The following PSME4 variants were observed in gnomAD, a reference collection of about 807,000 sequenced individuals.
The protein encoded by PSME4 is proteasome activator subunit 4.
In PSME4, 89 loss-of-function variants were observed where a neutral mutation model predicts 253.9. The observed-to-expected ratio is 0.35, with a 90% CI of 0.30 to 0.42. The LOEUF (loss-of-function observed/expected upper bound fraction) is 0.42, where lower values mean the gene tolerates loss of function less well. Among genes scored for constraint, PSME4 ranks in the 10% least tolerant of loss-of-function variants. The probability of loss-of-function intolerance (pLI) is 1.00; values close to 1 mark genes in which losing one functional copy is unlikely to be tolerated. For synonymous variants in PSME4, 851 were observed against 759.2 expected (o/e 1.12, Z -1.99); for missense variants, 2,014 against 2,195.2 (o/e 0.92, Z 1.65).
At chr2:53,941,210 GC>G (rs2104469417) in intron 3 of PSME4, among the ~76,000 whole-genome samples, 1 of 145,060 alleles carries the variant, frequency 6.9e-6, no homozygotes, top group East Asian at 2.0e-4. Context: ...ATTACTTGGA[GC>G]AGTAGAAATC....
rs150279844 is a variant in PSME4, at chr2:53,888,638, G to A, written c.4388+83C>T. On this transcript the variant is annotated intron_variant, in intron 38 of 46. Coordinates refer to ENST00000404125, the MANE Select transcript of PSME4 (RefSeq NM_014614.3). Reference sequence around the variant, plus strand: ...TAATTACTTCATCTAGACTTTACAAGTATAGACCATTCATTTCCATTTATA... The same window carrying A: ...TAATTACTTCATCTAGACTTTACAAATATAGACCATTCATTTCCATTTATA... The A allele has an allele frequency of 3.3e-3, 3,235 of 970,156 alleles. 78 individuals are homozygous for A. In the Admixed American group the frequency reaches 0.041, roughly 12 times the overall value. The allele number at this position is 970,156 out of a possible 1,614,324, so 60.1% of individuals were successfully genotyped here.
At position 53,936,744 on chromosome 2, in the gene PSME4, A is replaced by G. The variant is rs746683367; in HGVS notation, c.759+20T>C. On this transcript the variant is annotated intron_variant, in intron 6 of 46. Transcript: ENST00000404125. The stretch of plus-strand genomic sequence containing the variant: ...AAAAAAAAACTATAGGGGGGAAGAA[A>G]GGGAAAAAGGGATACTTACCCCCTC... 4 of 1,522,130 alleles carry G rather than the reference A, an allele frequency of 2.6e-6. No homozygotes were observed. The highest frequency in any genetic ancestry group is 1.4e-5 in the African/African-American group (1 of 70,068). The allele number at this position is 1,522,130 out of a possible 1,614,324, so 94.3% of individuals were successfully genotyped here. A position where few individuals can be genotyped will look rare whatever the true frequency, so the allele number is the denominator to read the frequency against.
In PSME4 at chr2:53,929,963, A is replaced by G. The variant is rs1327930239; in HGVS notation, c.1317-1660T>C. ...AACCCGAGAGGTGGAGGTTGCAGTG[A>G]GCTGAGATCATGTCACTGCACTCCA... On this transcript the variant is annotated intron_variant, in intron 10 of 46. Transcript: ENST00000404125. 2.6e-5 allele frequency among the ~76,000 whole-genome samples: 4 copies of G among 152,060 alleles called. 1 individual carries two copies. The East Asian group carries it at 5.8e-4, about 22-fold the overall frequency.
At chr2:53,954,057 C>T (rs1403381238) in intron 1 of PSME4, among the ~76,000 whole-genome samples, 8 of 151,516 alleles carry the variant, frequency 5.3e-5, no homozygotes, top group African/African-American at 7.3e-5. Context: ...TGGCCGGGCG[C>T]GGTGGCTCAC....
chr2:53,943,293 A>T (rs1276975304), intron 3 of PSME4, among the ~76,000 whole-genome samples: 1 of 152,204 alleles, frequency 6.6e-6, no homozygotes, highest in Non-Finnish European at 1.5e-5. Flanking sequence ...ATCTGCCTTC[A>T]TCCCTTTATA....
At chr2:53,870,979 T>G (rs1328670728) in intron 43 of PSME4, 1 of 152,134 alleles carries the variant, frequency 6.6e-6, no homozygotes, top group Non-Finnish European at 1.5e-5. Flanking sequence ...TTGGGATTAG[T>G]AAGTTTAAAG....
At chr2:53,866,525 G>A (rs138078158) in intron 45 of PSME4, among the ~76,000 whole-genome samples, 1 of 152,172 alleles carries the variant, frequency 6.6e-6, no homozygotes, top group African/African-American at 2.4e-5. Context: ...GACTGGGAGG[G>A]ATAGAAGCTA....
chr2:53,882,914 TA>T lies in PSME4; in HGVS notation c.4815+2775del, dbSNP rs986611267. Among the ~76,000 whole-genome samples the T allele has an allele frequency of 2.1e-4, 26 of 124,448 alleles. No individual in the cohort carries two copies. In the South Asian group the frequency reaches 3.2e-3, roughly 15 times the overall value. 81.6% of individuals were successfully genotyped at this position (124,448 alleles called of 152,430 possible). ...TTGAGGAAATACAAAAAAAAATAAA[TA>T]AATAAGATAAATATAAATAAAACTA... On this transcript the variant is annotated intron_variant, in intron 41 of 46. Coordinates refer to ENST00000404125, the MANE Select transcript of PSME4 (RefSeq NM_014614.3).
intron 39 of PSME4, 28 bp from the exon 40 acceptor site, chr2:53,887,495 A>G: frequency 6.4e-7 from 1 of 1,555,690 alleles, no homozygotes; most frequent in Non-Finnish European, 8.8e-7. Flanking sequence ...TAATAATAGG[A>G]AGAGGTGCCA....
chr2:53,950,615 G>GCAGA (rs1669929429), intron 1 of PSME4, among the ~76,000 whole-genome samples: 2 of 152,004 alleles, frequency 1.3e-5, no homozygotes, highest in African/African-American at 4.8e-5. Context: ...GCCGACGTGG[G>GCAGA]TGGATTACCT....
At chr2:53,961,252 T>C (rs1480899702) in intron 1 of PSME4, among the ~76,000 whole-genome samples, 1 of 152,240 alleles carries the variant, frequency 6.6e-6, no homozygotes, top group African/African-American at 2.4e-5. Flanking sequence ...CTGTTGCTGT[T>C]GTTGTTTGCT....
intron 19 of PSME4, among the ~76,000 whole-genome samples, chr2:53,919,502 GTTAAT>G (rs1464490959): frequency 6.6e-6 from 1 of 152,174 alleles, no homozygotes; most frequent in Non-Finnish European, 1.5e-5. Context: ...TGAAACAACT[GTTAAT>G]TTAAGCATCC....
chr2:53,888,099 C>G, intron 38 of PSME4, 110 bp from the exon 39 acceptor site: 1 of 1,128,444 alleles, frequency 8.9e-7, no homozygotes, highest in Non-Finnish European at 1.2e-6. Flanking sequence ...CGTTTTTTCA[C>G]TTAATAAATA....
At chr2:53,962,227 A>G (rs1163185932) in intron 1 of PSME4, among the ~76,000 whole-genome samples, 2 of 152,210 alleles carry the variant, frequency 1.3e-5, no homozygotes, top group Non-Finnish European at 2.9e-5. Flanking sequence ...GTTACTATTT[A>G]TTCCTAATTA....
At position 53,954,604 on chromosome 2, in the gene PSME4, C is replaced by T. The variant is rs1035731698; in HGVS notation, c.243-5321G>A. Among the ~76,000 whole-genome samples the T allele has an allele frequency of 1.6e-4, 25 of 151,786 alleles. 1 individual carries two copies. Among genetic ancestry groups the T allele is most frequent in the Admixed American group, 6.6e-5 (1 of 15,248 alleles). The stretch of plus-strand genomic sequence containing the variant: ...TTGTAGTCCCAGCACTTTGGGAGGC[C>T]GAGGCAGGCAGATCACTTGAGGTCA... On this transcript the variant is annotated intron_variant, in intron 1 of 46. Transcript: ENST00000404125.
rs557487670 is a variant in PSME4, at chr2:53,962,059, C to G, written c.242+8484G>C. On this transcript the variant is annotated intron_variant, in intron 1 of 46. Coordinates refer to ENST00000404125, the MANE Select transcript of PSME4 (RefSeq NM_014614.3). ...AATAAGGAAGAGGAACAGGCTATGA[C>G]CTAATGCTTGCTTGGACCAGTATAA... Among the ~76,000 whole-genome samples the G allele has an allele frequency of 5.5e-4, 83 of 152,076 alleles. No homozygotes were observed. The Middle Eastern group carries it at 0.01, about 19-fold the overall frequency.
At position 53,936,144 on chromosome 2, in the gene PSME4, A is replaced by G; in HGVS notation, c.777T>C (p.Phe259=). 1.2e-6 allele frequency: 2 copies of G among 1,613,748 alleles called. No homozygotes were observed. Among genetic ancestry groups the G allele is most frequent in the South Asian group, 1.1e-5 (1 of 91,064 alleles). ...CTATATTATCTGTAGCCAATCGAGC[A>G]AAGAGATTTACTAGTTGCTGAAAGT... ...PQWEGQLVNL[F]ARLATDNIGY... is the part of the protein sequence containing the mutation. The change falls in exon 7 of 47, where the codon TTT becomes TTC. Residue 259 remains phenylalanine (F), a synonymous_variant. Coordinates refer to ENST00000404125, the MANE Select transcript of PSME4 (RefSeq NM_014614.3).
intron 3 of PSME4, among the ~76,000 whole-genome samples, chr2:53,945,993 C>T (rs201623260): frequency 6.6e-6 from 1 of 152,066 alleles, no homozygotes; most frequent in African/African-American, 2.4e-5. Flanking sequence ...TTCAAAAGAT[C>T]AAGAACAGCC....
intron 7 of PSME4, among the ~76,000 whole-genome samples, chr2:53,935,429 G>C (rs1238032015): frequency 6.6e-6 from 1 of 152,090 alleles, no homozygotes; most frequent in Non-Finnish European, 1.5e-5. Flanking sequence ...GTGTGCATCA[G>C]AATCACCAGG....
Sources: allele counts gnomAD v4.1 joint callset (sites outside exome capture counted in the v4.1 genomes callset), GRCh38; gene constraint gnomAD v4.1.1; transcripts MANE v1.5; gene names NCBI Gene and HGNC (gene_info 2026-07-23, HGNC 2026-07-21).